The following SRPK2 variants were observed in gnomAD, a reference collection of about 807,000 sequenced individuals.
SRPK2 encodes SFRS protein kinase 2.
In SRPK2, 21 loss-of-function variants were observed where a neutral mutation model predicts 90.8. The ratio of observed to expected loss-of-function variants is 0.23; its 90% CI spans 0.16 to 0.33. SRPK2 has a LOEUF of 0.33. SRPK2 is among the 10% of genes least tolerant of loss of function. The probability of loss-of-function intolerance (pLI) is 1.00; values close to 1 mark genes in which losing one functional copy is unlikely to be tolerated. For synonymous variants in SRPK2, 288 were observed against 311.1 expected, an observed-to-expected ratio of 0.93 and a Z score of 0.78; for missense variants, 620 against 869.0, an observed-to-expected ratio of 0.71 and a Z score of 3.60.
chr7:105,142,929 C>T lies in SRPK2; in HGVS notation c.1060+155G>A, dbSNP rs182900116. 2.1e-3 allele frequency among the ~76,000 whole-genome samples: 316 copies of T among 152,300 alleles called. 2 individuals carry two copies. The highest frequency in any genetic ancestry group is 7.3e-3 in the African/African-American group (304 of 41,560). ...TGGCATACAGTTCACAAATGAAGTA[C>T]GAGGCTATTTCCCATATTTCCCAAT... On this transcript the variant is annotated intron_variant, in intron 10 of 15. Transcript: ENST00000393651.
At chr7:105,205,268 A>C (rs189301283) in intron 2 of SRPK2, among the ~76,000 whole-genome samples, 19 of 152,308 alleles carry the variant, frequency 1.2e-4, no homozygotes, top group African/African-American at 3.8e-4. Flanking sequence ...AGGGGTGGGG[A>C]TCACACACAA....
intron 2 of SRPK2, among the ~76,000 whole-genome samples, chr7:105,370,608 TTTTC>T (rs1477796285): frequency 9.7e-5 from 14 of 144,480 alleles, no homozygotes; most frequent in African/African-American, 3.5e-4. Flanking sequence ...AATTAATTTT[TTTTC>T]TTTCTTTTTT....
At chr7:105,119,287 GT>G (rs1418979538) in intron 15 of SRPK2, among the ~76,000 whole-genome samples, 1 of 152,008 alleles carries the variant, frequency 6.6e-6, no homozygotes, top group African/African-American at 2.4e-5. Flanking sequence ...GGCTTGTTCT[GT>G]TTCACCCATT....
At chr7:105,253,939 T>C (rs902397782) in intron 2 of SRPK2, among the ~76,000 whole-genome samples, 7 of 152,138 alleles carry the variant, frequency 4.6e-5, no homozygotes, top group African/African-American at 7.2e-5. Flanking sequence ...GCCATCTGTG[T>C]TGAATGTTTT....
intron 2 of SRPK2, among the ~76,000 whole-genome samples, chr7:105,326,247 C>A (rs1165689111): frequency 6.6e-6 from 1 of 152,222 alleles, no homozygotes; most frequent in Non-Finnish European, 1.5e-5. Flanking sequence ...ACTATTGCAA[C>A]AGCATGCTCT....
intron 2 of SRPK2, among the ~76,000 whole-genome samples, chr7:105,227,459 C>T (rs190911183): frequency 6.6e-6 from 1 of 152,184 alleles, no homozygotes; most frequent in African/African-American, 2.4e-5. Context: ...ATACAAGTAG[C>T]CAAAAAGCAC....
intron 3 of SRPK2, among the ~76,000 whole-genome samples, chr7:105,187,155 C>T (rs1030713180): frequency 6.6e-6 from 1 of 152,178 alleles, no homozygotes; most frequent in Non-Finnish European, 1.5e-5. Flanking sequence ...ATAATCACAA[C>T]GGTCTTTATT....
chr7:105,378,566 C>T (rs1319325367), intron 2 of SRPK2, among the ~76,000 whole-genome samples: 1 of 152,020 alleles, frequency 6.6e-6, no homozygotes, highest in Non-Finnish European at 1.5e-5. Flanking sequence ...AGATCAAGAC[C>T]ATCCTGGCCA....
intron 2 of SRPK2, among the ~76,000 whole-genome samples, chr7:105,379,570 C>A (rs916092139): frequency 6.6e-6 from 1 of 152,056 alleles, no homozygotes; most frequent in African/African-American, 2.4e-5. Context: ...AGTATAGACT[C>A]GGGAGAGGCA....
At chr7:105,248,064 G>A (rs1011416284) in intron 2 of SRPK2, among the ~76,000 whole-genome samples, 1 of 152,074 alleles carries the variant, frequency 6.6e-6, no homozygotes, top group Non-Finnish European at 1.5e-5. Flanking sequence ...TGCTGGTCAG[G>A]CTGGTCTCGA....
At chr7:105,170,798 A>AC (rs1563024544) in intron 3 of SRPK2, among the ~76,000 whole-genome samples, 7 of 85,924 alleles carry the variant, frequency 8.1e-5, no homozygotes, top group Admixed American at 1.4e-4. Flanking sequence ...GGAGGGAGGG[A>AC]GGGAGGGAGA....
intron 2 of SRPK2, among the ~76,000 whole-genome samples, chr7:105,282,214 A>C (rs554676918): frequency 5.3e-5 from 8 of 152,202 alleles, no homozygotes; most frequent in African/African-American, 1.9e-4. Context: ...AGACCATCTA[A>C]TGGGAAAAGA....
At chr7:105,307,758 G>C (rs376481556) in intron 2 of SRPK2, among the ~76,000 whole-genome samples, 1 of 152,084 alleles carries the variant, frequency 6.6e-6, no homozygotes. Flanking sequence ...AATTTCCTAA[G>C]TTTAACTTTA....
chr7:105,183,974 ATTTT>A, intron 3 of SRPK2, among the ~76,000 whole-genome samples: 1 of 116,278 alleles, frequency 8.6e-6, no homozygotes, highest in African/African-American at 3.4e-5. Context: ...ACTATTACCA[ATTTT>A]TTTTTTTTTT....
intron 7 of SRPK2, among the ~76,000 whole-genome samples, chr7:105,154,975 C>T (rs1009845730): frequency 2.0e-5 from 3 of 151,246 alleles, no homozygotes; most frequent in African/African-American, 7.3e-5. Context: ...ACCTGGCCCA[C>T]CCTTATTCTT....
At chr7:105,251,223 A>C (rs1802439870) in intron 2 of SRPK2, among the ~76,000 whole-genome samples, 1 of 152,220 alleles carries the variant, frequency 6.6e-6, no homozygotes, top group South Asian at 2.1e-4. Context: ...TGACAGCCCT[A>C]AACTGAGGCA....
chr7:105,170,943 GAAA>G lies in SRPK2; in HGVS notation c.230-1681_230-1679del, dbSNP rs1353520057. Among the ~76,000 whole-genome samples, 11 of 35,118 alleles carry G rather than the reference GAAA, an allele frequency of 3.1e-4. 1 individual carries two copies. The highest frequency in any genetic ancestry group is 9.2e-4 in the African/African-American group (10 of 10,860). 23.0% of individuals were successfully genotyped at this position (35,118 alleles called of 152,430 possible). A position where few individuals can be genotyped will look rare whatever the true frequency, so the allele number is the denominator to read the frequency against. ...GAAAGAAAAAGAAAAAGGAAAGAAA[GAAA>G]GAAAGAAAGAAAGAAAGAAAGAGAA... On this transcript the variant is annotated intron_variant, in intron 3 of 15. Transcript: ENST00000393651.
At chr7:105,259,742 A>G (rs1389273082) in intron 2 of SRPK2, among the ~76,000 whole-genome samples, 1 of 152,162 alleles carries the variant, frequency 6.6e-6, no homozygotes, top group African/African-American at 2.4e-5. Flanking sequence ...CACATCTACA[A>G]CCATCTAATC....
At chr7:105,372,844 C>A (rs1254019178) in intron 2 of SRPK2, among the ~76,000 whole-genome samples, 1 of 152,102 alleles carries the variant, frequency 6.6e-6, no homozygotes, top group Admixed American at 6.6e-5. Flanking sequence ...ATCCCAGCAC[C>A]TTGAGAGGCC....
Sources: gnomAD v4.1 joint callset for allele counts (sites outside exome capture counted in the v4.1 genomes callset) on GRCh38, gnomAD v4.1.1 for gene constraint, MANE v1.5 for transcripts, NCBI Gene and HGNC (gene_info 2026-07-23, HGNC 2026-07-21) for gene names.